The following WFDC10B variants were observed in gnomAD, a reference collection of about 807,000 sequenced individuals.
The protein encoded by WFDC10B is WAP four-disulfide core domain 10B.
WFDC10B carries 1 observed loss-of-function variant against 2.7 expected under a neutral mutation model. The observed-to-expected ratio is 0.38, with a 90% CI of 0.13 to 1.79. WFDC10B has a LOEUF of 1.79. Among genes scored for constraint, WFDC10B ranks in the 40% most tolerant of loss-of-function variants. The pLI is 0.33. For missense variants in WFDC10B, 71 were observed against 87.8 expected (o/e 0.81, Z 0.76); for synonymous variants, 26 against 32.2 (o/e 0.81, Z 0.65).
At chr20:45,702,289 C>T (rs1984196802) in intron 2 of WFDC10B, 23 of 1,402,936 alleles carry the variant, frequency 1.6e-5, no homozygotes, top group Non-Finnish European at 2.3e-5. Flanking sequence ...CAGTCTGTCA[C>T]ACCTCTTGGA....
At chr20:45,694,729 C>G (rs6104291) in intron 2 of WFDC10B, among the ~76,000 whole-genome samples, 28,829 of 152,066 alleles carry the variant, frequency 0.19, 2,987 homozygotes, top group East Asian at 0.32. Context: ...GATTCCACCT[C>G]AGTTTCTGCT....
chr20:45,704,835 CCT>C (rs1984325454), intron 1 of WFDC10B, 81 bp downstream of exon 1: 15 of 1,454,556 alleles, frequency 1.0e-5, no homozygotes, highest in Non-Finnish European at 1.4e-5. Context: ...TCTGACTCTG[CCT>C]CTCTGAACAC....
At chr20:45,692,804 G>A (rs956195670) in intron 2 of WFDC10B, among the ~76,000 whole-genome samples, 35 of 152,144 alleles carry the variant, frequency 2.3e-4, no homozygotes, top group African/African-American at 5.1e-4. Context: ...TAGTTTGATC[G>A]TCTGAAGCCT....
intron 3 of WFDC10B, among the ~76,000 whole-genome samples, chr20:45,685,435 C>A (rs1373602650): frequency 6.6e-6 from 1 of 151,628 alleles, no homozygotes; most frequent in Non-Finnish European, 1.5e-5. Flanking sequence ...ACTCTCCTGG[C>A]TCCTTTGATG....
At chr20:45,685,881 A>G (rs772088545) in intron 3 of WFDC10B, 21 bp downstream of exon 3, 1 of 1,612,918 alleles carries the variant, frequency 6.2e-7, no homozygotes, top group South Asian at 1.1e-5. Flanking sequence ...TCCATCACCC[A>G]TCCAGCAGCC....
intron 2 of WFDC10B, among the ~76,000 whole-genome samples, chr20:45,688,784 T>C (rs1983712041): frequency 1.3e-5 from 2 of 151,766 alleles, no homozygotes; most frequent in African/African-American, 2.4e-5. Context: ...TTCTCCCATT[T>C]TATGGGTTGC....
chr20:45,684,980 G>A lies in WFDC10B; in HGVS notation c.92-20C>T, dbSNP rs761002581. ...TGATTCCTGAAATGATGCAGGAGCA[G>A]GGTCAATGAAACCATGCACCTATAG... is the stretch of plus-strand genomic sequence containing the variant. On this transcript the variant is annotated intron_variant, in intron 3 of 3. Coordinates refer to ENST00000330523, the MANE Select transcript of WFDC10B (RefSeq NM_172006.2). The A allele has an allele frequency of 3.1e-6, 5 of 1,613,366 alleles. No individual in the cohort carries two copies. In the South Asian group the frequency reaches 5.5e-5, roughly 18 times the overall value.
In WFDC10B at chr20:45,704,999, C is replaced by T. The variant is rs1480356665; in HGVS notation, c.-211G>A. 1 of 1,614,042 alleles carries T rather than the reference C, an allele frequency of 6.2e-7. No homozygotes were observed. Among genetic ancestry groups the T allele is most frequent in the Non-Finnish European group, 8.5e-7 (1 of 1,179,962 alleles). ...CCTTTCACAAGACACCATCCTTTGG[C>T]CACCAGTGTTCTTGGGCTCTGGAGA... On this transcript the variant is annotated 5_prime_UTR_variant, in exon 1 of 4. Transcript: ENST00000330523.
chr20:45,693,844 G>A (rs907749290), intron 2 of WFDC10B, among the ~76,000 whole-genome samples: 5 of 152,162 alleles, frequency 3.3e-5, no homozygotes, highest in East Asian at 1.9e-4. Context: ...ACTGACCTGC[G>A]CCCACTGTCT....
At chr20:45,688,142 G>C (rs1034827346) in intron 2 of WFDC10B, among the ~76,000 whole-genome samples, 3 of 150,200 alleles carry the variant, frequency 2.0e-5, no homozygotes, top group Non-Finnish European at 4.4e-5. Context: ...TTTTGTTCTT[G>C]CGATAGTTTA....
Position 45,701,284 on chromosome 20 carries a change from G to A in WFDC10B, c.-65+3213C>T, listed in dbSNP as rs527570764. Among the ~76,000 whole-genome samples the A allele has an allele frequency of 1.4e-4, 21 of 152,248 alleles. 1 individual carries two copies. Among genetic ancestry groups the A allele is most frequent in the Admixed American group, 1.2e-3 (18 of 15,294 alleles). On this transcript the variant is annotated intron_variant, in intron 2 of 3. Coordinates refer to ENST00000330523, the MANE Select transcript of WFDC10B (RefSeq NM_172006.2). ...TACATTGATAGAAAGAAAAGTAAAC[G>A]CCTATAGGGGAGGACTACGAAATAG...
At chr20:45,688,621 T>G (rs1221814798) in intron 2 of WFDC10B, among the ~76,000 whole-genome samples, 4 of 152,170 alleles carry the variant, frequency 2.6e-5, no homozygotes, top group Non-Finnish European at 5.9e-5. Flanking sequence ...CATGTGTTTT[T>G]TGGCTGCATA....
rs771378321 is a variant in WFDC10B at position 45,684,826 on chromosome 20, C to T, written c.*4G>A. 6.2e-7 allele frequency: 1 copy of T among 1,613,550 alleles called. No homozygotes were observed. The highest frequency in any genetic ancestry group is 8.5e-7 in the Non-Finnish European group (1 of 1,179,692). ...AGGATGCACATCCCAGCCCACTCTCCCACTCATAGGATGCTCATACAAATG... is the reference window on the plus strand; with the variant it reads ...AGGATGCACATCCCAGCCCACTCTCTCACTCATAGGATGCTCATACAAATG... On this transcript the variant is annotated 3_prime_UTR_variant, in exon 4 of 4. Coordinates refer to ENST00000330523, the MANE Select transcript of WFDC10B (RefSeq NM_172006.2).
At position 45,698,714 on chromosome 20, in the gene WFDC10B, C is replaced by T. The variant is rs572859253; in HGVS notation, c.-65+5783G>A. Reference sequence around the variant, plus strand: ...GGGCACGGTGGCTCATGCCTGTAATCCCAGCACTTCGGGAGGCCAAAGCAG... The same window carrying T: ...GGGCACGGTGGCTCATGCCTGTAATTCCAGCACTTCGGGAGGCCAAAGCAG... On this transcript the variant is annotated intron_variant, in intron 2 of 3. Coordinates refer to ENST00000330523, the MANE Select transcript of WFDC10B (RefSeq NM_172006.2). Among the ~76,000 whole-genome samples, 12 of 152,086 alleles carry T rather than the reference C, an allele frequency of 7.9e-5. No individual in the cohort carries two copies. The East Asian group carries it at 2.3e-3, about 29-fold the overall frequency.
chr20:45,698,242 T>C (rs1984038309), intron 2 of WFDC10B, among the ~76,000 whole-genome samples: 1 of 152,218 alleles, frequency 6.6e-6, no homozygotes, highest in South Asian at 2.1e-4. Context: ...GCCAAGGCTT[T>C]GGATAGCCAA....
chr20:45,701,141 A>G (rs1458243291), intron 2 of WFDC10B, among the ~76,000 whole-genome samples: 1 of 152,172 alleles, frequency 6.6e-6, no homozygotes, highest in Admixed American at 6.5e-5. Flanking sequence ...ATTTTCCCCC[A>G]GCAACAATTA....
At chr20:45,688,773 T>A (rs1983711699) in intron 2 of WFDC10B, among the ~76,000 whole-genome samples, 1 of 152,168 alleles carries the variant, frequency 6.6e-6, no homozygotes, top group Non-Finnish European at 1.5e-5. Context: ...TTGCGAAAAT[T>A]TTCTCCCATT....
intron 2 of WFDC10B, among the ~76,000 whole-genome samples, chr20:45,693,556 C>T (rs1426533843): frequency 1.3e-5 from 2 of 152,190 alleles, no homozygotes; most frequent in Non-Finnish European, 2.9e-5. Context: ...CCCAGCCTTG[C>T]TGCCGCCTTG....
chr20:45,690,420 A>G (rs1028638435), intron 2 of WFDC10B, among the ~76,000 whole-genome samples: 7 of 152,126 alleles, frequency 4.6e-5, no homozygotes, highest in African/African-American at 1.2e-4. Context: ...GAATGGTACC[A>G]GTTCCTCCTT....
Sources: gnomAD v4.1 joint callset for allele counts (sites outside exome capture counted in the v4.1 genomes callset) on GRCh38, gnomAD v4.1.1 for gene constraint, MANE v1.5 for transcripts, NCBI Gene and HGNC (gene_info 2026-07-23, HGNC 2026-07-21) for gene names.